The following PDE10A variants were observed in gnomAD, a reference collection of about 807,000 sequenced individuals.
PDE10A encodes phosphodiesterase 10A, also known as cAMP and cAMP-inhibited cGMP 3',5'-cyclic phosphodiesterase 10A.
PDE10A carries 39 observed loss-of-function variants against 97.7 expected under a neutral mutation model. The ratio of observed to expected loss-of-function variants is 0.40; its 90% confidence interval spans 0.31 to 0.52. PDE10A has a LOEUF of 0.52. Among genes scored for constraint, PDE10A ranks in the 20% least tolerant of loss-of-function variants. The probability of loss-of-function intolerance (pLI) is 0.56; values close to 1 mark genes in which losing one functional copy is unlikely to be tolerated. For missense variants in PDE10A, 731 were observed against 1,047.8 expected, an observed-to-expected ratio of 0.70 and a Z score of 4.17; for synonymous variants, 371 against 376.8, an observed-to-expected ratio of 0.98 and a Z score of 0.18.
intron 1 of PDE10A, among the ~76,000 whole-genome samples, chr6:165,571,763 G>A (rs1785060974): frequency 6.6e-6 from 1 of 152,192 alleles, no homozygotes; most frequent in Admixed American, 6.5e-5. Context: ...ACTGTTTGAA[G>A]CTGTGCTGCA....
chr6:165,987,366 G>A (rs62425393), intron 1 of PDE10A, among the ~76,000 whole-genome samples: 20,853 of 151,984 alleles, frequency 0.14, 1,806 homozygotes, highest in African/African-American at 0.24. Context: ...ACCTCCACAA[G>A]CACAACACAC....
intron 1 of PDE10A, among the ~76,000 whole-genome samples, chr6:165,912,359 G>T (rs1042367251): frequency 6.6e-5 from 10 of 152,240 alleles, no homozygotes; most frequent in Non-Finnish European, 8.8e-5. Flanking sequence ...ATTAACACCC[G>T]CAGTGTTGTG....
chr6:165,440,191 T>C (rs1790335525), intron 5 of PDE10A, among the ~76,000 whole-genome samples: 1 of 152,238 alleles, frequency 6.6e-6, no homozygotes, highest in Non-Finnish European at 1.5e-5. Flanking sequence ...GAACTTGATA[T>C]ATGGATGACT....
chr6:165,781,834 T>G (rs901015404), intron 1 of PDE10A: 1 of 152,280 alleles, frequency 6.6e-6, no homozygotes, highest in Admixed American at 6.5e-5. Flanking sequence ...GGGAGATGGA[T>G]GCTTCCCTGA....
intron 15 of PDE10A, among the ~76,000 whole-genome samples, chr6:165,394,446 T>C (rs1254085563): frequency 6.6e-6 from 1 of 152,172 alleles, no homozygotes; most frequent in East Asian, 1.9e-4. Flanking sequence ...ATGTGCCACA[T>C]TTTCTTTATC....
chr6:165,526,178 G>C (rs1378531203), intron 2 of PDE10A, among the ~76,000 whole-genome samples: 1 of 152,198 alleles, frequency 6.6e-6, no homozygotes, highest in African/African-American at 2.4e-5. Flanking sequence ...CAGACCTTTT[G>C]GGTACTAGTG....
chr6:165,599,713 A>G lies in PDE10A; in HGVS notation c.866-56145T>C, dbSNP rs367796830. Among the ~76,000 whole-genome samples, 364 of 152,302 alleles carry G rather than the reference A, an allele frequency of 2.4e-3. 3 individuals carry two copies. The highest frequency in any genetic ancestry group is 8.4e-3 in the African/African-American group (351 of 41,560). On this transcript the variant is annotated intron_variant, in intron 1 of 21. Transcript: ENST00000539869. ...AAGCAAGCACCCTCCTCACCATATA[A>G]TGTTGCCATACCAGTTAACCGTCAA... is the stretch of plus-strand genomic sequence containing the variant.
At chr6:165,613,545 G>T (rs188078030) in intron 1 of PDE10A, among the ~76,000 whole-genome samples, 1 of 152,230 alleles carries the variant, frequency 6.6e-6, no homozygotes, top group Admixed American at 6.5e-5. Context: ...AAGCTAAGGT[G>T]TGGGGGGATT....
chr6:165,346,259 T>A (rs770226368), intron 18 of PDE10A, among the ~76,000 whole-genome samples: 11 of 152,070 alleles, frequency 7.2e-5, no homozygotes, highest in Non-Finnish European at 1.2e-4. Flanking sequence ...CCTACAGTAG[T>A]TCAGATGAGA....
At chr6:165,515,523 CTTTT>C (rs376897417) in intron 2 of PDE10A, among the ~76,000 whole-genome samples, 2 of 124,522 alleles carry the variant, frequency 1.6e-5, no homozygotes, top group African/African-American at 3.0e-5. Context: ...TGCTTTTGTT[CTTTT>C]TTTTTTTTTT....
intron 17 of PDE10A, among the ~76,000 whole-genome samples, chr6:165,382,764 T>G (rs1463276567): frequency 6.7e-6 from 1 of 148,556 alleles, no homozygotes; most frequent in Non-Finnish European, 1.5e-5. Context: ...GATGATAAAA[T>G]CTACCAGTAC....
At chr6:165,942,454 C>T (rs1045501854) in intron 1 of PDE10A, among the ~76,000 whole-genome samples, 1 of 152,162 alleles carries the variant, frequency 6.6e-6, no homozygotes, top group African/African-American at 2.4e-5. Context: ...TGCCCCTTTG[C>T]ACCCAGAGAA....
intron 2 of PDE10A, among the ~76,000 whole-genome samples, chr6:165,498,309 C>G (rs1262884263): frequency 1.3e-5 from 2 of 150,650 alleles, no homozygotes; most frequent in Non-Finnish European, 3.0e-5. Flanking sequence ...ATTCAAGTGG[C>G]TGAGGCAGTA....
chr6:165,635,907 C>T (rs753806696), intron 1 of PDE10A, among the ~76,000 whole-genome samples: 4 of 152,172 alleles, frequency 2.6e-5, no homozygotes, highest in Admixed American at 2.0e-4. Context: ...TTATATACTG[C>T]ACCATTACAG....
In PDE10A at chr6:165,448,952, C is replaced by T; in HGVS notation, c.1170G>A (p.Leu390=). 1 of 1,612,202 alleles carries T rather than the reference C, an allele frequency of 6.2e-7. No individual in the cohort carries two copies. The change falls in exon 5 of 22, where the codon CTG becomes CTA. Residue 390 remains leucine, a synonymous_variant. Coordinates refer to ENST00000539869, the MANE Select transcript of PDE10A (RefSeq NM_001385079.1). ...KIATKADGFA[L]YFLGECNNSL... The stretch of plus-strand genomic sequence containing the variant: ...CATTATTGCACTCTCCAAGGAAATA[C>T]AGTGCAAATCCATCGGCTTTTGTGG...
chr6:165,378,192 G>A (rs182506570), intron 18 of PDE10A, among the ~76,000 whole-genome samples: 89 of 152,328 alleles, frequency 5.8e-4, no homozygotes, highest in African/African-American at 1.9e-3. Context: ...TGGTGTACCT[G>A]AGAGAATAGT....
chr6:165,833,799 G>T (rs1000027446), intron 1 of PDE10A, among the ~76,000 whole-genome samples: 1 of 152,262 alleles, frequency 6.6e-6, no homozygotes, highest in African/African-American at 2.4e-5. Context: ...AGTTGATAAA[G>T]ATCAGGTAGG....
chr6:165,764,842 T>G lies in PDE10A; in HGVS notation c.-614-221274A>C, dbSNP rs543830018. ...GGGGACCCGAGCGGGTTGCCACTGC[T>G]GGCTCGGGCAGCCTGCTTTTATTCT... On this transcript the variant is annotated intron_variant, in intron 1 of 19. Transcript: ENST00000366882. Among the ~76,000 whole-genome samples, 184 of 152,326 alleles carry G rather than the reference T, an allele frequency of 1.2e-3. 1 individual carries two copies. Among genetic ancestry groups the G allele is most frequent in the African/African-American group, 4.3e-3 (178 of 41,588 alleles).
At chr6:165,786,442 C>T (rs1247247874) in intron 1 of PDE10A, among the ~76,000 whole-genome samples, 5 of 152,190 alleles carry the variant, frequency 3.3e-5, no homozygotes, top group Non-Finnish European at 1.5e-5. Flanking sequence ...ATAAAGTAAA[C>T]TTAACTTGGG....
Sources: gnomAD v4.1 joint callset for allele counts (sites outside exome capture counted in the v4.1 genomes callset) on GRCh38, gnomAD v4.1.1 for gene constraint, MANE v1.5 for transcripts, NCBI Gene and HGNC (gene_info 2026-07-23, HGNC 2026-07-21) for gene names.